Variants in TSPAN11 observed in about 807,000 individuals in gnomAD.
The protein encoded by TSPAN11 is tetraspanin-11.
TSPAN11 carries 29 observed loss-of-function variants against 32.9 expected under a neutral mutation model. That is an observed-to-expected ratio of 0.88 (90% CI 0.66 to 1.20). The LOEUF is 1.20. Ranked by LOEUF, TSPAN11 falls within the 50% of genes most tolerant of loss-of-function variation. The pLI, the probability that TSPAN11 is intolerant of heterozygous loss-of-function variation, is 0.00. For missense variants in TSPAN11, 283 were observed against 329.1 expected (o/e 0.86, Z 1.08); for synonymous variants, 140 against 141.3 (o/e 0.99, Z 0.07).
chr12:31,005,103 A>G, the TSPAN11 span, among the ~76,000 whole-genome samples: 20 of 152,330 alleles, frequency 1.3e-4, no homozygotes, highest in East Asian at 3.7e-3. Context: ...CTGAGACTGA[A>G]TGGGGGTCCT....
chr12:30,985,274 T>C (rs1285816507), intron 7 of TSPAN11, among the ~76,000 whole-genome samples: 2 of 152,020 alleles, frequency 1.3e-5, no homozygotes, highest in East Asian at 3.9e-4. Context: ...GCTTGCCTGG[T>C]GGTGGGAATT....
rs1939290928 is a variant in TSPAN11, at chr12:30,990,493, T to C, written c.703-1363T>C. On this transcript the variant is annotated intron_variant, in intron 7 of 7. Coordinates refer to ENST00000546076, the MANE Select transcript of TSPAN11 (RefSeq NM_001370302.1). Reference sequence around the variant, plus strand: ...GGCATGACGGCCGCCTGCGTAAAGCTAGCGGGAGATGAGATAACCTCCTAA... The same window carrying C: ...GGCATGACGGCCGCCTGCGTAAAGCCAGCGGGAGATGAGATAACCTCCTAA... 1.3e-5 allele frequency among the ~76,000 whole-genome samples: 2 copies of C among 152,184 alleles called. 1 individual carries two copies. The highest frequency in any genetic ancestry group is 4.1e-4 in the South Asian group (2 of 4,824).
chr12:30,970,790 A>G (rs1192941324), intron 3 of TSPAN11, among the ~76,000 whole-genome samples: 1 of 152,178 alleles, frequency 6.6e-6, no homozygotes, highest in Non-Finnish European at 1.5e-5. Flanking sequence ...TCCTTCTAAC[A>G]GTGACACTTG....
At position 30,944,195 on chromosome 12, in the gene TSPAN11, C is replaced by G. The variant is rs141622116; in HGVS notation, c.-11-9786C>G. 5.6e-3 allele frequency among the ~76,000 whole-genome samples: 852 copies of G among 152,140 alleles called. 1 individual carries two copies. The highest frequency in any genetic ancestry group is 0.02 in the African/African-American group (816 of 41,500). ...TATATACATTGTGGAATGACTAAGT[C>G]TAAATAACAAAGGTAGTACTTCATA... On this transcript the variant is annotated intron_variant, in intron 1 of 7. Coordinates refer to ENST00000546076, the MANE Select transcript of TSPAN11 (RefSeq NM_001370302.1).
At chr12:30,941,413 G>A (rs1245193041) in intron 1 of TSPAN11, among the ~76,000 whole-genome samples, 1 of 152,184 alleles carries the variant, frequency 6.6e-6, no homozygotes, top group Non-Finnish European at 1.5e-5. Context: ...AGCCTTGGGC[G>A]ATGCAGAAAT....
Position 30,975,219 on chromosome 12 carries a change from A to G in TSPAN11, c.277-3342A>G, listed in dbSNP as rs1337175243. 1.3e-5 allele frequency among the ~76,000 whole-genome samples: 2 copies of G among 152,158 alleles called. No homozygotes were observed. Among genetic ancestry groups the G allele is most frequent in the African/African-American group, 4.8e-5 (2 of 41,436 alleles). On this transcript the variant is annotated intron_variant, in intron 3 of 7. Transcript: ENST00000546076. This position sits in a 1 kb window ranked among gnomAD's most constrained non-coding sequence, Gnocchi z 4.5. ...GGTAAGGTGCAGGGTGGAGGGGCAG[A>G]GGTGACAGGTCTGTCAGAGCCCATG...
At chr12:31,004,676 G>C in the TSPAN11 span, among the ~76,000 whole-genome samples, 1 of 152,216 alleles carries the variant, frequency 6.6e-6, no homozygotes, top group African/African-American at 2.4e-5. Flanking sequence ...TAGCAGGAAT[G>C]TCTGTGAAAG....
intron 1 of TSPAN11, chr12:30,927,037 G>A: frequency 7.8e-7 from 1 of 1,284,614 alleles, no homozygotes; most frequent in Non-Finnish European, 1.0e-6. Context: ...ACGCAACACG[G>A]TGTCCATAAC....
At chr12:31,008,463 A>G in the TSPAN11 span, among the ~76,000 whole-genome samples, 1 of 152,218 alleles carries the variant, frequency 6.6e-6, no homozygotes, top group Admixed American at 6.5e-5. Context: ...GCTAGGCTAA[A>G]GAGACCAGGC....
At chr12:30,958,019 G>T (rs1422468605) in intron 2 of TSPAN11, among the ~76,000 whole-genome samples, 2 of 152,032 alleles carry the variant, frequency 1.3e-5, no homozygotes, top group African/African-American at 2.4e-5. Flanking sequence ...ATGGAAACGT[G>T]CAAGACCTGG....
At chr12:30,929,178 T>C (rs1937865764) in intron 1 of TSPAN11, among the ~76,000 whole-genome samples, 1 of 152,276 alleles carries the variant, frequency 6.6e-6, no homozygotes, top group East Asian at 1.9e-4. Flanking sequence ...CTCACTAAAA[T>C]AAAACTAGAA....
the TSPAN11 span, among the ~76,000 whole-genome samples, chr12:31,002,548 C>A: frequency 3.9e-5 from 6 of 152,130 alleles, no homozygotes; most frequent in Admixed American, 3.9e-4. The surrounding 1 kb of genome is among the most constrained non-coding windows in gnomAD (Gnocchi z 4.8). Context: ...GCCTCTCAGA[C>A]CCCGCCTCCT....
intron 2 of TSPAN11, 116 bp from the exon 3 acceptor site, chr12:30,963,710 T>G: frequency 8.8e-7 from 1 of 1,140,336 alleles, no homozygotes; most frequent in Non-Finnish European, 1.2e-6. Context: ...CTCGCCTCCT[T>G]TGGAGGACTG....
chr12:30,978,459 G>T (rs569104165), intron 3 of TSPAN11, 102 bp from the exon 4 acceptor site: 2 of 1,138,404 alleles, frequency 1.8e-6, no homozygotes, highest in African/African-American at 1.5e-5. Context: ...TGGATGATAG[G>T]GGTCCCAGCA....
At chr12:30,996,707 G>T (rs753048723), downstream of TSPAN11, 1 of 152,094 alleles carries the variant, frequency 6.6e-6, no homozygotes, top group South Asian at 2.1e-4. Context: ...TGTTAGCCAC[G>T]GCTCCCCTAT....
chr12:31,012,379 C>T, the TSPAN11 span: 1 of 152,240 alleles, frequency 6.6e-6, no homozygotes, highest in Non-Finnish European at 1.5e-5. Context: ...ACAGTCAACA[C>T]ACATGGTGCA....
chr12:30,985,588 G>C (rs1939186090), intron 7 of TSPAN11, among the ~76,000 whole-genome samples: 1 of 152,162 alleles, frequency 6.6e-6, no homozygotes, highest in Admixed American at 6.5e-5. Flanking sequence ...GCAGCACAGA[G>C]CAGTTGAACT....
chr12:30,967,140 C>G (rs1003034750), intron 3 of TSPAN11, among the ~76,000 whole-genome samples: 1 of 152,260 alleles, frequency 6.6e-6, no homozygotes, highest in Admixed American at 6.5e-5. Context: ...GCTGTGCTCT[C>G]CAAGCCACTG....
At chr12:30,981,603 G>A (rs930932595) in intron 5 of TSPAN11, among the ~76,000 whole-genome samples, 1 of 152,170 alleles carries the variant, frequency 6.6e-6, no homozygotes, top group Non-Finnish European at 1.5e-5. Context: ...GGGGGCCCCT[G>A]TTCATCCCTG....
Sources: gnomAD v4.1 joint callset for allele counts (sites outside exome capture counted in the v4.1 genomes callset) on GRCh38, gnomAD v4.1.1 for gene constraint, Gnocchi (gnomAD v3.1) non-coding constraint, MANE v1.5 for transcripts, NCBI Gene and HGNC (gene_info 2026-07-23, HGNC 2026-07-21) for gene names.